The following ADGRL3 variants were observed in gnomAD, a reference collection of about 807,000 sequenced individuals.
The protein encoded by ADGRL3 is calcium-independent alpha-latrotoxin receptor 3.
In ADGRL3, 62 loss-of-function variants were observed where a neutral mutation model predicts 153.5. That is an observed-to-expected ratio of 0.40 (90% CI 0.33 to 0.50). The LOEUF is 0.50. Among genes scored for constraint, ADGRL3 ranks in the 20% least tolerant of loss-of-function variants. The pLI is 0.47. For missense variants in ADGRL3, 1,641 were observed against 1,859.4 expected (o/e 0.88, Z 2.16); for synonymous variants, 710 against 672.5 (o/e 1.06, Z -0.86).
intron 2 of ADGRL3, among the ~76,000 whole-genome samples, chr4:61,430,315 A>G (rs747863122): frequency 1.3e-5 from 2 of 152,204 alleles, no homozygotes; most frequent in African/African-American, 2.4e-5. Context: ...GGTATGAAGG[A>G]TATGTCATTC....
chr4:61,430,609 C>A (rs907597268), intron 2 of ADGRL3, among the ~76,000 whole-genome samples: 1 of 152,026 alleles, frequency 6.6e-6, no homozygotes, highest in African/African-American at 2.4e-5. Flanking sequence ...ATTTTAACAT[C>A]GGTTGTACTT....
intron 5 of ADGRL3, among the ~76,000 whole-genome samples, chr4:61,647,261 G>A (rs1230377600): frequency 1.3e-5 from 2 of 152,146 alleles, no homozygotes; most frequent in Non-Finnish European, 2.9e-5. Context: ...GCTGGGAGCT[G>A]TAGACCAGAG....
intron 1 of ADGRL3, among the ~76,000 whole-genome samples, chr4:61,361,742 A>G (rs996357370): frequency 3.9e-5 from 6 of 152,186 alleles, no homozygotes; most frequent in Non-Finnish European, 7.3e-5. Context: ...TGAAAGAAAG[A>G]GAATAGGAGA....
At chr4:61,515,002 A>G (rs939038197) in intron 3 of ADGRL3, among the ~76,000 whole-genome samples, 1 of 152,068 alleles carries the variant, frequency 6.6e-6, no homozygotes, top group African/African-American at 2.4e-5. Flanking sequence ...TTTGATCTCT[A>G]GTTAAGAAGA....
At chr4:61,307,312 C>CA (rs1322025578) in intron 1 of ADGRL3, among the ~76,000 whole-genome samples, 11 of 152,102 alleles carry the variant, frequency 7.2e-5, no homozygotes, top group African/African-American at 2.7e-4. Context: ...TTGACTAACA[C>CA]AATTCTGAGA....
chr4:61,573,595 T>C (rs2098847893), intron 4 of ADGRL3, among the ~76,000 whole-genome samples: 1 of 152,110 alleles, frequency 6.6e-6, no homozygotes, highest in Admixed American at 6.6e-5. Flanking sequence ...AATATTAAAT[T>C]ATTTTTTAGC....
At chr4:61,699,656 A>G (rs1216144160) in intron 6 of ADGRL3, among the ~76,000 whole-genome samples, 2 of 152,160 alleles carry the variant, frequency 1.3e-5, no homozygotes, top group African/African-American at 4.8e-5. Context: ...TATTTCTAAC[A>G]TTGTATGTTC....
chr4:61,520,097 T>C (rs1027448191), intron 4 of ADGRL3, among the ~76,000 whole-genome samples: 1 of 152,178 alleles, frequency 6.6e-6, no homozygotes, highest in African/African-American at 2.4e-5. Flanking sequence ...TGAGAGTTAA[T>C]GAGTATTTGG....
rs922532080 is a variant in ADGRL3, at chr4:61,200,394, G to A, written c.-1611G>A. 1.3e-5 allele frequency among the ~76,000 whole-genome samples: 2 copies of A among 151,614 alleles called. No homozygotes were observed. The highest frequency in any genetic ancestry group is 2.4e-5 in the African/African-American group (1 of 41,272). ...CAGGCTGCACGGTCCCCGCGCGCCCGCGCTCTGACCCGCTGTCTGCGCGTC... is the reference window on the plus strand; with the variant it reads ...CAGGCTGCACGGTCCCCGCGCGCCCACGCTCTGACCCGCTGTCTGCGCGTC... On this transcript the variant is annotated 5_prime_UTR_variant, in exon 1 of 27. Transcript: ENST00000683033.
intron 5 of ADGRL3, among the ~76,000 whole-genome samples, chr4:61,612,666 G>T (rs1219023692): frequency 6.6e-6 from 1 of 152,106 alleles, no homozygotes; most frequent in Non-Finnish European, 1.5e-5. Context: ...TTTATCATTT[G>T]GAAAATGAAG....
intron 4 of ADGRL3, among the ~76,000 whole-genome samples, chr4:61,567,236 T>G (rs1175090257): frequency 6.6e-6 from 1 of 152,212 alleles, no homozygotes. Flanking sequence ...ATTTCCAAAG[T>G]GCAGGCTTAA....
intron 14 of ADGRL3, 47 bp from the exon 15 acceptor site, chr4:61,935,875 CT>C: frequency 6.5e-7 from 1 of 1,526,794 alleles, no homozygotes; most frequent in Non-Finnish European, 8.8e-7. Context: ...ATTATTGTAG[CT>C]TAGGTATGTT....
intron 1 of ADGRL3, among the ~76,000 whole-genome samples, chr4:61,306,216 G>A (rs998433161): frequency 2.6e-5 from 4 of 151,916 alleles, no homozygotes; most frequent in African/African-American, 9.7e-5. Context: ...TCCTGCCTCA[G>A]CCTCCCAGGT....
At chr4:61,754,740 G>C (rs2096800479) in intron 8 of ADGRL3, among the ~76,000 whole-genome samples, 3 of 152,180 alleles carry the variant, frequency 2.0e-5, no homozygotes, top group South Asian at 2.1e-4. Context: ...TTTAACCTTA[G>C]GTATATCTCC....
At chr4:61,645,240 A>T (rs898178164) in intron 5 of ADGRL3, among the ~76,000 whole-genome samples, 1 of 152,048 alleles carries the variant, frequency 6.6e-6, no homozygotes, top group Non-Finnish European at 1.5e-5. Context: ...TCTTTATCCA[A>T]TTTGCCAGTC....
intron 4 of ADGRL3, among the ~76,000 whole-genome samples, chr4:61,545,111 TCTC>T (rs1301973751): frequency 6.6e-6 from 1 of 152,176 alleles, no homozygotes; most frequent in Non-Finnish European, 1.5e-5. Context: ...TTCCTTTACT[TCTC>T]CTCCTGCATT....
intron 9 of ADGRL3, among the ~76,000 whole-genome samples, chr4:61,844,198 A>T (rs534893108): frequency 6.6e-6 from 1 of 152,042 alleles, no homozygotes; most frequent in South Asian, 2.1e-4. Flanking sequence ...GTGGCTGCTA[A>T]CAGTATAACA....
At chr4:61,767,547 G>A (rs561892482) in intron 8 of ADGRL3, among the ~76,000 whole-genome samples, 7 of 152,230 alleles carry the variant, frequency 4.6e-5, no homozygotes, top group Admixed American at 2.0e-4. Context: ...CGAGGCAATC[G>A]GGCAGTGTCA....
intron 9 of ADGRL3, among the ~76,000 whole-genome samples, chr4:61,872,158 G>T (rs1485658669): frequency 4.6e-5 from 7 of 152,162 alleles, no homozygotes; most frequent in Admixed American, 2.6e-4. Flanking sequence ...AGCCTGGTTT[G>T]TATGGACACC....
Sources: gnomAD v4.1 joint callset for allele counts (sites outside exome capture counted in the v4.1 genomes callset) on GRCh38, gnomAD v4.1.1 for gene constraint, MANE v1.5 for transcripts, NCBI Gene and HGNC (gene_info 2026-07-23, HGNC 2026-07-21) for gene names.